QRICH2: variants seen among roughly 807,000 people sequenced by gnomAD.
QRICH2 encodes glutamine rich 2, also known as glutamine-rich protein 2.
QRICH2 carries 119 observed loss-of-function variants against 168.3 expected under a neutral mutation model. The ratio of observed to expected loss-of-function variants is 0.71; its 90% CI spans 0.61 to 0.82. The LOEUF (loss-of-function observed/expected upper bound fraction) is 0.82, where lower values mean the gene tolerates loss of function less well. Among genes scored for constraint, QRICH2 ranks in the 40% least tolerant of loss-of-function variants. The pLI, the probability that QRICH2 is intolerant of heterozygous loss-of-function variation, is 0.00. For synonymous variants in QRICH2, 894 were observed against 951.2 expected, an observed-to-expected ratio of 0.94 and a Z score of 1.11; for missense variants, 2,241 against 2,491.6, an observed-to-expected ratio of 0.90 and a Z score of 2.14.
At chr17:76,285,449 G>A (rs921993297) in intron 7 of QRICH2, among the ~76,000 whole-genome samples, 1 of 150,978 alleles carries the variant, frequency 6.6e-6, no homozygotes, top group Non-Finnish European at 1.5e-5. Flanking sequence ...TGTATTTTTA[G>A]TAGAGATGGG....
intron 12 of QRICH2, 137 bp downstream of exon 12, chr17:76,279,896 T>A (rs1215211578): frequency 9.5e-7 from 1 of 1,049,274 alleles, no homozygotes; most frequent in African/African-American, 1.6e-5. Flanking sequence ...TAAAATTCTG[T>A]CCCTCCAACC....
Position 76,280,391 on chromosome 17 carries a change from C to T in QRICH2, c.4522G>A (p.Glu1508Lys). The change falls in exon 11 of 19, where the codon GAG becomes AAG. Residue 1508 changes from glutamate (E) to lysine (K), a missense_variant. Coordinates refer to ENST00000680821, the MANE Select transcript of QRICH2 (RefSeq NM_001388453.1). The surrounding 1 kb of genome is among the most constrained non-coding windows in gnomAD (Gnocchi z 7.4). ...TCCTGCATCATGTGGTTCAGCTGCTCCGTGGTGGCATCAAACTGGACACGG... is the reference window on the plus strand; with the variant it reads ...TCCTGCATCATGTGGTTCAGCTGCTTCGTGGTGGCATCAAACTGGACACGG... Reference protein sequence around the residue: ...VSRVQFDATTEQLNHMMQELV... With the variant: ...VSRVQFDATTKQLNHMMQELV... The T allele has an allele frequency of 6.2e-7, 1 of 1,614,192 alleles. No individual in the cohort carries two copies. The highest frequency in any genetic ancestry group is 8.5e-7 in the Non-Finnish European group (1 of 1,180,040).
At position 76,301,872 on chromosome 17, in the gene QRICH2, TTGTGTGTGTGTGTGTGTGTGTGTG is replaced by T. The variant is rs139933188; in HGVS notation, c.705+2519_705+2542del. ...CTCCTGCCACCACACCTGGCTAATT[TTGTGTGTGTGTGTGTGTGTGTGTG>T]TGTGTGTGTGTGTGTGTGTGTGAGA... On this transcript the variant is annotated intron_variant, in intron 3 of 18. Transcript: ENST00000680821. Among the ~76,000 whole-genome samples, 1,022 of 136,250 alleles carry T rather than the reference TTGTGTGTGTGTGTGTGTGTGTGTG, an allele frequency of 7.5e-3. 16 individuals carry two copies. The highest frequency in any genetic ancestry group is 0.025 in the African/African-American group (942 of 37,390). 89.4% of individuals were successfully genotyped at this position (136,250 alleles called of 152,430 possible).
rs752011367 is a variant in QRICH2 at position 76,280,099 on chromosome 17, G to A, written c.4682C>T (p.Ser1561Leu). ...VKQLLEDRWKSLRQQLRERPP... is the reference protein window; with the variant it reads ...VKQLLEDRWKLLRQQLRERPP... ...GCGCTCCCTGAGCTGCTGTCGCAGC[G>A]ATTTCCACCGATCCTCCAGCAACTG... is the stretch of plus-strand genomic sequence containing the variant. The change falls in exon 12 of 19, where the codon TCG becomes TTG. Residue 1561 changes from serine (S) to leucine (L), a missense_variant. By Grantham distance (145) the Ser-to-Leu change is moderately radical. This residue lies in a region of QRICH2 where 2,047 missense variants were observed against 2,303.8 expected (regional missense o/e 0.89). Transcript: ENST00000680821. This position sits in a 1 kb window ranked among gnomAD's most constrained non-coding sequence, Gnocchi z 7.4. The A allele has an allele frequency of 4.3e-6, 7 of 1,613,652 alleles. No individual in the cohort carries two copies. Among genetic ancestry groups the A allele is most frequent in the Admixed American group, 1.7e-5 (1 of 59,992 alleles).
chr17:76,274,925 G>C (rs1320712311), intron 18 of QRICH2, among the ~76,000 whole-genome samples: 1 of 152,186 alleles, frequency 6.6e-6, no homozygotes, highest in Admixed American at 6.5e-5. Context: ...TCCATGTAAA[G>C]CTCCTAAACT....
At chr17:76,296,035 C>G (rs149635231) in intron 3 of QRICH2, among the ~76,000 whole-genome samples, 2 of 152,128 alleles carry the variant, frequency 1.3e-5, no homozygotes, top group African/African-American at 2.4e-5. Context: ...CCAGCCTGAC[C>G]AACATGGTGA....
chr17:76,274,187 G>A lies in QRICH2; in HGVS notation c.5556C>T (p.Pro1852=), dbSNP rs778076051. The change falls in exon 19 of 19, where the codon CCC becomes CCT. Residue 1852 remains proline, a synonymous_variant. Transcript: ENST00000680821. ...RLSQPNTAHP[P]SSAAVANRGL... is the part of the protein sequence containing the mutation. ...CCCTGTTTGCCACCGCGGCGGAGCT[G>A]GGCGGGTGGGCTGTGTTCGGCTGGG... 3.8e-6 allele frequency: 6 copies of A among 1,591,044 alleles called. No homozygotes were observed. The highest frequency in any genetic ancestry group is 1.9e-5 in the Admixed American group (1 of 53,466).
rs1568112933 is a variant in QRICH2 at position 76,287,220 on chromosome 17, G to C, written c.3983C>G (p.Ser1328Cys). The C allele has an allele frequency of 6.2e-7, 1 of 1,613,894 alleles. No homozygotes were observed. Among genetic ancestry groups the C allele is most frequent in the Admixed American group, 1.7e-5 (1 of 59,972 alleles). The change falls in exon 7 of 19, where the codon TCT (serine) becomes TGT (cysteine). Residue 1328 changes from serine to cysteine, a missense_variant. Around this residue, in one of 3 missense-constraint regions of QRICH2, gnomAD observed 2,047 missense variants for 2,303.8 expected, o/e 0.89. Transcript: ENST00000680821. ...RGKAAMENSV[S>C]EASLYLQDQL... ...GTCCTGCAGGTAAAGGGAGGCTTCA[G>C]AGACAGAATTTTCCATGGCAGCCTT... is the stretch of plus-strand genomic sequence containing the variant.
intron 1 of QRICH2, 82 bp from the exon 2 acceptor site, chr17:76,305,023 ACACACT>A (rs1021823418): frequency 3.0e-6 from 2 of 669,228 alleles, no homozygotes; most frequent in Non-Finnish European, 5.0e-6. Flanking sequence ...AGATGCGCAC[ACACACT>A]CTCACACTCA....
At chr17:76,287,009 C>T (rs963682070) in intron 7 of QRICH2, among the ~76,000 whole-genome samples, 183 bp downstream of exon 7, 12 of 148,966 alleles carry the variant, frequency 8.1e-5, no homozygotes, top group African/African-American at 3.0e-4. Flanking sequence ...ACACATTCGC[C>T]ACCGCCCCCC....
At chr17:76,294,087 G>T (rs2071065299) in intron 3 of QRICH2, 66 bp from the exon 4 acceptor site, 9 of 1,516,580 alleles carry the variant, frequency 5.9e-6, no homozygotes, top group Non-Finnish European at 7.9e-6. Flanking sequence ...GGGAAGAAAG[G>T]AAATCTGGAA....
rs527578450 is a variant in QRICH2 at position 76,291,536 on chromosome 17, A to T, written c.3191T>A (p.Leu1064Gln). The change falls in exon 4 of 19, where the codon CTG becomes CAG. Residue 1064 changes from leucine (L) to glutamine (Q), a missense_variant. By Grantham distance (113) the Leu-to-Gln change is moderately radical. Around this residue, in one of 3 missense-constraint regions of QRICH2, gnomAD observed 2,047 missense variants for 2,303.8 expected, o/e 0.89. Coordinates refer to ENST00000680821, the MANE Select transcript of QRICH2 (RefSeq NM_001388453.1). ...GTGTGTAGATCCCAAACCTGTACTC[A>T]GTGGTATTGGGCTGTGCTGGTCTGT... ...PGTDQHSPIP[L>Q]STGLGSTHPD... 1 of 1,613,520 alleles carries T rather than the reference A, an allele frequency of 6.2e-7. No individual in the cohort carries two copies. Among genetic ancestry groups the T allele is most frequent in the Non-Finnish European group, 8.5e-7 (1 of 1,179,736 alleles).
chr17:76,277,920 G>C, intron 15 of QRICH2, 69 bp downstream of exon 15: 1 of 1,531,666 alleles, frequency 6.5e-7, no homozygotes, highest in Non-Finnish European at 8.9e-7. Flanking sequence ...TTGCACAGCC[G>C]TGCACGAGCA....
At chr17:76,287,714 A>G (rs1470790753) in intron 6 of QRICH2, 86 bp downstream of exon 6, 8 of 935,772 alleles carry the variant, frequency 8.5e-6, no homozygotes, top group African/African-American at 4.8e-5. Flanking sequence ...ATTCAGGGGC[A>G]TAAGGGAGCC....
At chr17:76,298,034 T>TAACTTTTTG (rs527321501) in intron 3 of QRICH2, among the ~76,000 whole-genome samples, 2,235 of 151,510 alleles carry the variant, frequency 0.015, 60 homozygotes, top group African/African-American at 0.048. Flanking sequence ...CATGCCCGGC[T>TAACTTTTTG]AATTTTTTGA....
In QRICH2 at chr17:76,307,320, G is replaced by A. The variant is rs552652706; in HGVS notation, c.534+145C>T. 1.7e-5 allele frequency: 13 copies of A among 754,454 alleles called. No homozygotes were observed. The highest frequency in any genetic ancestry group is 1.0e-4 in the South Asian group (6 of 59,808). The allele number at this position is 754,454 out of a possible 1,614,324, so 46.7% of individuals were successfully genotyped here. A position where few individuals can be genotyped will look rare whatever the true frequency, so the allele number is the denominator to read the frequency against. ...CATGGGCCACTCTATTTAGCCAGTC[G>A]CACTGAGGTCTGGCACCTCCTCGGT... On this transcript the variant is annotated intron_variant, in intron 1 of 18. Transcript: ENST00000680821. This position sits in a 1 kb window ranked among gnomAD's most constrained non-coding sequence, Gnocchi z 5.3.
chr17:76,287,353 C>T (rs2143244547), intron 6 of QRICH2, 47 bp from the exon 7 acceptor site: 1 of 1,404,484 alleles, frequency 7.1e-7, no homozygotes, highest in African/African-American at 1.4e-5. Context: ...TCAGGCCAGA[C>T]CCATGCAGAG....
chr17:76,292,056 A>T lies in QRICH2; in HGVS notation c.2671T>A (p.Leu891Met). 1 of 1,614,094 alleles carries T rather than the reference A, an allele frequency of 6.2e-7. No individual in the cohort carries two copies. Among genetic ancestry groups the T allele is most frequent in the Non-Finnish European group, 8.5e-7 (1 of 1,179,988 alleles). Residue 891 changes from leucine to methionine, a missense_variant, in exon 4 of 19, where the codon TTG becomes ATG. Physicochemically the swap from Leu to Met is conservative, Grantham distance 15. Coordinates refer to ENST00000680821, the MANE Select transcript of QRICH2 (RefSeq NM_001388453.1). ...GGCTGATCTGCACCAGGTTGGATCA[A>T]ACCACGCTGGTCCATTCCAGGTTGG... is the stretch of plus-strand genomic sequence containing the variant. ...LVQPGMDQRGLIQPGADQPGL... is the reference protein window; with the variant it reads ...LVQPGMDQRGMIQPGADQPGL...
In QRICH2 at chr17:76,293,648, C is replaced by G. The variant is rs1266094553; in HGVS notation, c.1079G>C (p.Gly360Ala). The change falls in exon 4 of 19, where the codon GGT (glycine) becomes GCT (alanine). Residue 360 changes from glycine to alanine, a missense_variant. Gly to Ala is a moderately conservative substitution (Grantham distance 60). Coordinates refer to ENST00000680821, the MANE Select transcript of QRICH2 (RefSeq NM_001388453.1). ...STQPRRNARP[G>A]PVQQDLPLAR... The stretch of plus-strand genomic sequence containing the variant: ...CAAGGGTAAGTCCTGTTGAACTGGA[C>G]CAGGACGTGCATTTCTTCTTGGTTG... 1.9e-6 allele frequency: 3 copies of G among 1,614,028 alleles called. No individual in the cohort carries two copies. The highest frequency in any genetic ancestry group is 2.5e-6 in the Non-Finnish European group (3 of 1,180,008).
Sources: allele counts gnomAD v4.1 joint callset (sites outside exome capture counted in the v4.1 genomes callset), GRCh38; gene constraint gnomAD v4.1.1; regional missense constraint gnomAD v4.1.1; non-coding constraint Gnocchi (gnomAD v3.1); transcripts MANE v1.5; gene names NCBI Gene and HGNC (gene_info 2026-07-23, HGNC 2026-07-21).